The following NOX5 variants were observed in gnomAD, a reference collection of about 807,000 sequenced individuals.
The protein encoded by NOX5 is NADPH oxidase, EF-hand calcium binding domain 5.
NOX5 carries 76 observed loss-of-function variants against 85.7 expected under a neutral mutation model. The ratio of observed to expected loss-of-function variants is 0.89; its 90% CI spans 0.74 to 1.07. NOX5 has a LOEUF of 1.07. NOX5 is among the 50% of genes least tolerant of loss of function. The probability of loss-of-function intolerance (pLI) is 0.00; values close to 1 mark genes in which losing one functional copy is unlikely to be tolerated. For synonymous variants in NOX5, 405 were observed against 401.4 expected, an observed-to-expected ratio of 1.01 and a Z score of -0.11; for missense variants, 973 against 999.5, an observed-to-expected ratio of 0.97 and a Z score of 0.36.
intron 1 of NOX5, chr15:69,022,534 C>G (rs2050307763): frequency 5.9e-6 from 1 of 170,110 alleles, no homozygotes; most frequent in South Asian, 1.7e-4. Context: ...TGGAGATGTT[C>G]TGATAAACAC....
chr15:69,047,979 C>A, intron 13 of NOX5, 68 bp downstream of exon 13: 3 of 1,401,908 alleles, frequency 2.1e-6, no homozygotes, highest in African/African-American at 1.4e-5. Context: ...AATAGGAGCC[C>A]ATCCTCCTGT....
intron 1 of NOX5, among the ~76,000 whole-genome samples, chr15:69,018,113 C>G (rs1567091114): frequency 6.6e-6 from 1 of 152,050 alleles, no homozygotes; most frequent in African/African-American, 2.4e-5. Context: ...CCGGACCGCA[C>G]TCATGGAGCC....
rs758889300 is a variant in NOX5 at position 69,047,487 on chromosome 15, A to G, written c.1767A>G (p.Ala589=). ...CTGAGCATGCCGTGCTCATCGGGGC[A>G]GGCATCGGCATCACCCCCTTTGCTT... ...FASEHAVLIG[A]GIGITPFASI... is the part of the protein sequence containing the mutation. The change falls in exon 12 of 16, where the codon GCA becomes GCG. Residue 589 remains alanine (A), a synonymous_variant. Coordinates refer to ENST00000388866, the MANE Select transcript of NOX5 (RefSeq NM_024505.4). 2.0e-5 allele frequency: 32 copies of G among 1,613,880 alleles called. No homozygotes were observed. In the South Asian group the frequency reaches 3.3e-4, roughly 17 times the overall value.
rs2050831635 is a variant in NOX5, at chr15:69,057,808, TG to T, written c.*1113del. The T allele has an allele frequency of 6.6e-6, 1 of 152,372 alleles. No homozygotes were observed. The highest frequency in any genetic ancestry group is 2.1e-4 in the South Asian group (1 of 4,832). The allele number at this position is 152,372 out of a possible 1,614,324, so 9.4% of individuals were successfully genotyped here. A position where few individuals can be genotyped will look rare whatever the true frequency, so the allele number is the denominator to read the frequency against. On this transcript the variant is annotated 3_prime_UTR_variant, in exon 16 of 16. Transcript: ENST00000388866. ...ATTCCACCTCAGTTCAGCTCCTTGC[TG>T]CTCCAGGCTTTCGTGCATCTACATC... is the stretch of plus-strand genomic sequence containing the variant.
rs929581985 is a variant in NOX5 at position 69,044,757 on chromosome 15, T to C, written c.1647+1952T>C. Reference sequence around the variant, plus strand: ...AATGTTGAGTAGTTATGTGCTCTGATACTTTTTTCACTATTGTTTAATAGT... The same window carrying C: ...AATGTTGAGTAGTTATGTGCTCTGACACTTTTTTCACTATTGTTTAATAGT... On this transcript the variant is annotated intron_variant, in intron 10 of 15. Coordinates refer to ENST00000388866, the MANE Select transcript of NOX5 (RefSeq NM_024505.4). 5.9e-5 allele frequency among the ~76,000 whole-genome samples: 9 copies of C among 152,276 alleles called. No individual in the cohort carries two copies. The East Asian group carries it at 9.6e-4, about 16-fold the overall frequency.
chr15:69,028,806 A>G (rs2050393189), intron 3 of NOX5: 1 of 151,584 alleles, frequency 6.6e-6, no homozygotes, highest in Non-Finnish European at 1.5e-5. Flanking sequence ...TTGCCTTCTA[A>G]CTGGTTGCAC....
chr15:69,042,924 C>T, intron 10 of NOX5, 119 bp downstream of exon 10: 5 of 1,107,768 alleles, frequency 4.5e-6, no homozygotes, highest in Non-Finnish European at 6.4e-6. Context: ...TAGATGGCAG[C>T]ACAAGGGGGT....
At position 69,042,730 on chromosome 15, in the gene NOX5, A is replaced by G. The variant is rs151238781; in HGVS notation, c.1572A>G (p.Ala524=). ...ACAGGCTGTATGAGTCCTTCAAGGC[A>G]TCAGACCCACTGGGCCGTGGTTCTA... The part of the protein sequence containing the change: ...WTNRLYESFK[A]SDPLGRGSKR... Residue 524 remains alanine, a synonymous_variant, in exon 10 of 16, where the codon GCA becomes GCG. Coordinates refer to ENST00000388866, the MANE Select transcript of NOX5 (RefSeq NM_024505.4). The G allele has an allele frequency of 8.9e-5, 143 of 1,614,074 alleles. No homozygotes were observed. Among genetic ancestry groups the G allele is most frequent in the Non-Finnish European group, 1.7e-6 (2 of 1,180,040 alleles).
chr15:69,028,142 G>C (rs2050382985), intron 2 of NOX5, 73 bp from the exon 3 acceptor site: 2 of 1,492,096 alleles, frequency 1.3e-6, no homozygotes, highest in Non-Finnish European at 1.8e-6. Context: ...CAGACACAGG[G>C]AGACAGTGAA....
intron 4 of NOX5, 111 bp from the exon 5 acceptor site, chr15:69,032,932 G>C: frequency 7.0e-7 from 1 of 1,421,844 alleles, no homozygotes; most frequent in African/African-American, 1.5e-5. Context: ...GAAGAAAGCC[G>C]GCCTGCTTGC....
chr15:69,031,204 T>C (rs2050424110), intron 3 of NOX5: 1 of 430,718 alleles, frequency 2.3e-6, no homozygotes, highest in East Asian at 3.7e-5. Context: ...AGTGTGCCTT[T>C]GGATAACTGA....
chr15:69,033,957 G>T (rs1408722785), intron 5 of NOX5, among the ~76,000 whole-genome samples: 1 of 152,006 alleles, frequency 6.6e-6, no homozygotes, highest in Non-Finnish European at 1.5e-5. Flanking sequence ...GCCTCCCAAA[G>T]TGCTGGGATT....
At chr15:69,028,166 C>T in intron 2 of NOX5, 49 bp from the exon 3 acceptor site, 1 of 1,535,756 alleles carries the variant, frequency 6.5e-7, no homozygotes, top group Non-Finnish European at 8.8e-7. Flanking sequence ...ATTCAAAGCC[C>T]AGGCCCTGCG....
chr15:69,047,194 A>G, intron 11 of NOX5: 1 of 608,528 alleles, frequency 1.6e-6, no homozygotes. Flanking sequence ...TGTTTTCACT[A>G]GCTCTGCACT....
In NOX5 at chr15:69,032,073, G is replaced by A. The variant is rs35353019; in HGVS notation, c.620+261G>A. On this transcript the variant is annotated intron_variant, in intron 4 of 15. Transcript: ENST00000388866. The stretch of plus-strand genomic sequence containing the variant: ...TTTGCATATACCAGTGCATTTTATA[G>A]CAATACTCGTTTTACAAAAGGAAAT... Among the ~76,000 whole-genome samples, 340 of 152,316 alleles carry A rather than the reference G, an allele frequency of 2.2e-3. 3 individuals carry two copies. The highest frequency in any genetic ancestry group is 8.0e-3 in the African/African-American group (333 of 41,572).
rs748836200 is a variant in NOX5 at position 69,055,320 on chromosome 15, C to A, written c.2000-14C>A. On this transcript the variant is annotated splice_polypyrimidine_tract_variant and intron_variant, in intron 14 of 15. Transcript: ENST00000388866. ...ACTAGACCCTCAGTGCAGCCCTTGT[C>A]CCCTGCCCAACAGGCCGCTTCCTGG... 9 of 1,613,312 alleles carry A rather than the reference C, an allele frequency of 5.6e-6. No homozygotes were observed. Among genetic ancestry groups the A allele is most frequent in the South Asian group, 1.1e-5 (1 of 90,978 alleles).
intron 5 of NOX5, among the ~76,000 whole-genome samples, chr15:69,033,701 CTT>C (rs570603838): frequency 5.9e-5 from 7 of 119,262 alleles, no homozygotes; most frequent in Admixed American, 8.6e-5. Context: ...TCTTTTTTTT[CTT>C]TTTTTTTTTT....
intron 1 of NOX5, chr15:69,023,534 T>C: frequency 3.2e-6 from 1 of 316,618 alleles, no homozygotes; most frequent in Non-Finnish European, 6.1e-6. Context: ...CAGCAGTGTG[T>C]CGGTCATAGA....
chr15:69,049,191 T>TA (rs2050715733), intron 14 of NOX5, 133 bp downstream of exon 14: 3 of 437,982 alleles, frequency 6.8e-6, no homozygotes, highest in Non-Finnish European at 1.2e-5. Context: ...GAACCCAGAG[T>TA]CTTTTTTTTT....
Sources: gnomAD v4.1 joint callset for allele counts (sites outside exome capture counted in the v4.1 genomes callset) on GRCh38, gnomAD v4.1.1 for gene constraint, MANE v1.5 for transcripts, NCBI Gene and HGNC (gene_info 2026-07-23, HGNC 2026-07-21) for gene names.